MOGAT1: variants seen among roughly 807,000 people sequenced by gnomAD.
The protein encoded by MOGAT1 is 2-acylglycerol O-acyltransferase 1.
Under a neutral mutation model 31.4 loss-of-function variants are expected in MOGAT1, and 32 were observed. The ratio of observed to expected loss-of-function variants is 1.02; its 90% CI spans 0.77 to 1.37. The LOEUF (loss-of-function observed/expected upper bound fraction) is 1.37, where lower values mean the gene tolerates loss of function less well. MOGAT1 is among the 40% of genes most tolerant of loss of function. The pLI is 0.00. For missense variants in MOGAT1, 426 were observed against 402.0 expected (o/e 1.06, Z -0.51); for synonymous variants, 145 against 144.5 (o/e 1.00, Z -0.03).
At position 222,694,438 on chromosome 2, in the gene MOGAT1, C is replaced by A; in HGVS notation, c.555C>A (p.Val185=). ...GAGGTGGAAACATCTCTGTCATTGTCCTTGGGGGTGCAAAAGAATCACTGG... is the reference window on the plus strand; with the variant it reads ...GAGGTGGAAACATCTCTGTCATTGTACTTGGGGGTGCAAAAGAATCACTGG... ...KEGGGNISVI[V]LGGAKESLDA... The change falls in exon 4 of 6, where the codon GTC becomes GTA. Residue 185 remains valine, a synonymous_variant. Transcript: ENST00000446656. The A allele has an allele frequency of 6.2e-7, 1 of 1,613,844 alleles. No individual in the cohort carries two copies. The highest frequency in any genetic ancestry group is 8.5e-7 in the Non-Finnish European group (1 of 1,179,814).
chr2:222,687,506 A>G (rs1692692005), intron 1 of MOGAT1, among the ~76,000 whole-genome samples: 1 of 152,236 alleles, frequency 6.6e-6, no homozygotes, highest in South Asian at 2.1e-4. Context: ...AGTATATAAC[A>G]TAGACATTTA....
rs1338257225 is a variant in MOGAT1 at position 222,671,946 on chromosome 2, C to G, written c.94+67C>G. 2.3e-6 allele frequency: 3 copies of G among 1,289,980 alleles called. No homozygotes were observed. In the Admixed American group the frequency reaches 6.0e-5, roughly 26 times the overall value. The allele number at this position is 1,289,980 out of a possible 1,614,324, so 79.9% of individuals were successfully genotyped here. A position where few individuals can be genotyped will look rare whatever the true frequency, so the allele number is the denominator to read the frequency against. On this transcript the variant is annotated intron_variant, in intron 1 of 5. Transcript: ENST00000446656. ...ATCCTCCCTCGGGACGGTCCGGATT[C>G]CAGGACCTGCATAGAACCTTCCAAC...
intron 5 of MOGAT1, among the ~76,000 whole-genome samples, chr2:222,701,592 A>AAAAG (rs1692929634): frequency 7.6e-5 from 5 of 65,766 alleles, no homozygotes; most frequent in African/African-American, 1.9e-4. Context: ...AAAAGAAAGA[A>AAAAG]AGAAAGGGAG....
At chr2:222,701,486 AAGAG>A (rs1283888901) in intron 5 of MOGAT1, among the ~76,000 whole-genome samples, 2 of 150,162 alleles carry the variant, frequency 1.3e-5, no homozygotes, top group South Asian at 2.1e-4. Flanking sequence ...GAAAGAAAGA[AAGAG>A]AGAGTGGGGA....
chr2:222,679,956 A>T (rs2106032302), intron 1 of MOGAT1, among the ~76,000 whole-genome samples: 1 of 152,246 alleles, frequency 6.6e-6, no homozygotes, highest in African/African-American at 2.4e-5. Flanking sequence ...TAGCCAATCC[A>T]CTTTTTCTTC....
At chr2:222,691,910 C>G (rs925130372) in intron 3 of MOGAT1, among the ~76,000 whole-genome samples, 1 of 152,226 alleles carries the variant, frequency 6.6e-6, no homozygotes, top group African/African-American at 2.4e-5. Flanking sequence ...GTATCTATAC[C>G]TATCAGGTGT....
intron 5 of MOGAT1, among the ~76,000 whole-genome samples, chr2:222,707,288 A>AAGGAAGGAAGGAAAGG (rs1693016691): frequency 6.7e-6 from 1 of 150,340 alleles, no homozygotes; most frequent in African/African-American, 2.5e-5. Context: ...GGAGGGAAGG[A>AAGGAAGGAAGGAAAGG]AGGAAGGAAG....
At chr2:222,677,354 G>C (rs1692513711) in intron 1 of MOGAT1, among the ~76,000 whole-genome samples, 1 of 152,146 alleles carries the variant, frequency 6.6e-6, no homozygotes, top group Non-Finnish European at 1.5e-5. Context: ...GCCGAGGTGG[G>C]TGGATCACGA....
intron 3 of MOGAT1, 132 bp from the exon 4 acceptor site, chr2:222,694,230 T>C: frequency 1.3e-6 from 1 of 787,254 alleles, no homozygotes; most frequent in South Asian, 2.2e-5. Flanking sequence ...ATTACAAACT[T>C]ACAAAGTGCT....
Position 222,688,426 on chromosome 2 carries a change from C to A in MOGAT1, c.177C>A (p.Tyr59Ter). The change falls in exon 2 of 6, where the codon TAC becomes TAA. Residue 59 changes from tyrosine (Y) to a stop codon, truncating the protein, a stop_gained. Transcript: ENST00000446656. LOFTEE classifies it high-confidence loss of function. ...FLYIPYLMWLYFDWHTPERGG... is the reference protein window; with the variant it reads ...FLYIPYLMWL ...ACATCCCTTATTTGATGTGGCTTTA[C>A]TTTGACTGGCATACCCCAGAGCGAG... is the stretch of plus-strand genomic sequence containing the variant. 6.2e-7 allele frequency: 1 copy of A among 1,613,708 alleles called. No individual in the cohort carries two copies. Among genetic ancestry groups the A allele is most frequent in the Non-Finnish European group, 8.5e-7 (1 of 1,179,780 alleles).
chr2:222,672,936 G>A (rs1365517718), intron 1 of MOGAT1, among the ~76,000 whole-genome samples: 3 of 95,884 alleles, frequency 3.1e-5, no homozygotes, highest in Non-Finnish European at 6.7e-5. Flanking sequence ...TCTTTGAGAC[G>A]GAGTTTCACT....
chr2:222,696,837 C>T (rs1480001105), intron 5 of MOGAT1, among the ~76,000 whole-genome samples: 5 of 151,844 alleles, frequency 3.3e-5, no homozygotes, highest in South Asian at 4.2e-4. Flanking sequence ...CCCAGGAGTT[C>T]GAGACCAGAC....
At chr2:222,691,303 G>A (rs2106038341) in intron 3 of MOGAT1, among the ~76,000 whole-genome samples, 1 of 152,088 alleles carries the variant, frequency 6.6e-6, no homozygotes, top group Admixed American at 6.5e-5. Flanking sequence ...TGCCTCCCTG[G>A]TTCAAGTGAT....
At chr2:222,680,929 T>A (rs1574970078) in intron 1 of MOGAT1, among the ~76,000 whole-genome samples, 1 of 152,140 alleles carries the variant, frequency 6.6e-6, no homozygotes, top group Non-Finnish European at 1.5e-5. Context: ...TCATGGAGAT[T>A]TTATAGAACA....
At chr2:222,702,980 T>G (rs1027955005) in intron 5 of MOGAT1, among the ~76,000 whole-genome samples, 2 of 152,148 alleles carry the variant, frequency 1.3e-5, no homozygotes, top group African/African-American at 2.4e-5. Flanking sequence ...ACAAACATGG[T>G]GTTGTAGCGG....
rs148124833 is a variant in MOGAT1, at chr2:222,679,546, A to G, written c.94+7667A>G. ...GTACATATGTCCTAAAACCAAGAAC[A>G]TTTCTCTTCCACAGCCACAGTACAA... is the stretch of plus-strand genomic sequence containing the variant. On this transcript the variant is annotated intron_variant, in intron 1 of 5. Coordinates refer to ENST00000446656, the MANE Select transcript of MOGAT1 (RefSeq NM_058165.3). Among the ~76,000 whole-genome samples, 317 of 152,360 alleles carry G rather than the reference A, an allele frequency of 2.1e-3. 1 individual carries two copies. Among genetic ancestry groups the G allele is most frequent in the Non-Finnish European group, 4.1e-3 (277 of 68,040 alleles).
intron 5 of MOGAT1, among the ~76,000 whole-genome samples, chr2:222,703,470 C>A (rs968057935): frequency 6.6e-6 from 1 of 151,918 alleles, no homozygotes; most frequent in Non-Finnish European, 1.5e-5. Flanking sequence ...GCCAAAGTGG[C>A]ATATTTTAGG....
rs1692823780 is a variant in MOGAT1 at position 222,695,276 on chromosome 2, A to T, written c.841A>T (p.Ile281Phe). ...TGGCCTAATGACCTATAGGAAAGCC[A>T]TCCACACTGTTGGTATGTACATAAA... ...NFGLMTYRKAIHTVVGRPIPV... is the reference protein window; with the variant it reads ...NFGLMTYRKAFHTVVGRPIPV... The change falls in exon 5 of 6, where the codon ATC (isoleucine) becomes TTC (phenylalanine). Residue 281 changes from isoleucine (I) to phenylalanine (F), a missense_variant. Physicochemically the swap from Ile to Phe is conservative, Grantham distance 21. Coordinates refer to ENST00000446656, the MANE Select transcript of MOGAT1 (RefSeq NM_058165.3). 6.2e-7 allele frequency: 1 copy of T among 1,609,498 alleles called. No individual in the cohort carries two copies. The highest frequency in any genetic ancestry group is 1.3e-5 in the African/African-American group (1 of 74,834).
intron 3 of MOGAT1, 130 bp downstream of exon 3, chr2:222,689,599 C>T (rs1692728697): frequency 3.8e-6 from 3 of 794,918 alleles, no homozygotes; most frequent in African/African-American, 1.7e-5. Flanking sequence ...TCTGGCACTT[C>T]CTATGGTGTC....
Sources: gnomAD v4.1 joint callset for allele counts (sites outside exome capture counted in the v4.1 genomes callset) on GRCh38, gnomAD v4.1.1 for gene constraint, MANE v1.5 for transcripts, NCBI Gene and HGNC (gene_info 2026-07-23, HGNC 2026-07-21) for gene names.